MOCOS: variants seen among roughly 807,000 people sequenced by gnomAD.
The protein encoded by MOCOS is molybdenum cofactor sulfurase.
MOCOS carries 86 observed loss-of-function variants against 83.6 expected under a neutral mutation model. The ratio of observed to expected loss-of-function variants is 1.03; its 90% confidence interval spans 0.86 to 1.23. The LOEUF (loss-of-function observed/expected upper bound fraction) is 1.23, where lower values mean the gene tolerates loss of function less well. MOCOS is among the 50% of genes most tolerant of loss of function. The probability of loss-of-function intolerance (pLI) is 0.00; values close to 1 mark genes in which losing one functional copy is unlikely to be tolerated. For synonymous variants in MOCOS, 445 were observed against 434.7 expected (o/e 1.02, Z -0.29); for missense variants, 1,120 against 1,126.9 (o/e 0.99, Z 0.09).
chr18:36,235,877 G>A (rs1472109415), intron 9 of MOCOS, among the ~76,000 whole-genome samples: 2 of 151,402 alleles, frequency 1.3e-5, no homozygotes, highest in Non-Finnish European at 2.9e-5. Flanking sequence ...TTCTCTGATG[G>A]CCAGTGATGG....
chr18:36,187,605 C>G lies in MOCOS; in HGVS notation c.66C>G (p.Ser22Arg). 8.0e-7 allele frequency: 1 copy of G among 1,248,984 alleles called. No individual in the cohort carries two copies. The highest frequency in any genetic ancestry group is 1.0e-6 in the Non-Finnish European group (1 of 996,244). 77.4% of individuals were successfully genotyped at this position (1,248,984 alleles called of 1,614,324 possible). A position where few individuals can be genotyped will look rare whatever the true frequency, so the allele number is the denominator to read the frequency against. The part of the protein sequence containing the change: ...LWTFAGSRDP[S>R]APRLAYGYGP... Reference sequence around the variant, plus strand: ...CCTTCGCGGGTTCCCGGGACCCGAGCGCACCGCGGCTAGCCTACGGCTACG... The same window carrying G: ...CCTTCGCGGGTTCCCGGGACCCGAGGGCACCGCGGCTAGCCTACGGCTACG... The change falls in exon 1 of 15, where the codon AGC becomes AGG. Residue 22 changes from serine to arginine, a missense_variant. By Grantham distance (110) the Ser-to-Arg change is moderately radical. Transcript: ENST00000261326.
At chr18:36,201,662 C>CAAAAAAAAAAAAAAAA (rs1568050276) in intron 4 of MOCOS, among the ~76,000 whole-genome samples, 5 of 2,510 alleles carry the variant, frequency 2.0e-3, no homozygotes, top group African/African-American at 3.2e-3. Flanking sequence ...GACTCCATCT[C>CAAAAAAAAAAAAAAAA]CAAAAAAAAA....
intron 5 of MOCOS, 137 bp downstream of exon 5, chr18:36,203,326 A>T (rs2091421801): frequency 7.1e-6 from 6 of 843,382 alleles, no homozygotes; most frequent in Non-Finnish European, 1.2e-5. Context: ...TTTGATTCCT[A>T]GTAACTTCAA....
intron 1 of MOCOS, among the ~76,000 whole-genome samples, chr18:36,190,650 G>A (rs2091361301): frequency 6.6e-6 from 1 of 152,088 alleles, no homozygotes; most frequent in Non-Finnish European, 1.5e-5. Flanking sequence ...TGTGGAGGCT[G>A]AGGTGGGAGA....
At chr18:36,246,279 C>T (rs1365137964) in intron 9 of MOCOS, among the ~76,000 whole-genome samples, 1 of 152,196 alleles carries the variant, frequency 6.6e-6, no homozygotes, top group Non-Finnish European at 1.5e-5. Flanking sequence ...ATATGGGACT[C>T]AAGGGCTGCT....
In MOCOS at chr18:36,256,960, A is replaced by T. The variant is rs758715361; in HGVS notation, c.2165-8A>T. 4 of 1,609,650 alleles carry T rather than the reference A, an allele frequency of 2.5e-6. No individual in the cohort carries two copies. In the South Asian group the frequency reaches 4.4e-5, roughly 18 times the overall value. On this transcript the variant is annotated splice_polypyrimidine_tract_variant and splice_region_variant and intron_variant, in intron 11 of 14. Coordinates refer to ENST00000261326, the MANE Select transcript of MOCOS (RefSeq NM_017947.4). Reference sequence around the variant, plus strand: ...CAACTCTTCTTTTAAATGCTCCATCATTTTCAGATCAACTTCCTGGTACAA... The same window carrying T: ...CAACTCTTCTTTTAAATGCTCCATCTTTTTCAGATCAACTTCCTGGTACAA...
intron 9 of MOCOS, among the ~76,000 whole-genome samples, chr18:36,246,269 A>G (rs2091601675): frequency 6.6e-6 from 1 of 152,194 alleles, no homozygotes; most frequent in Non-Finnish European, 1.5e-5. Flanking sequence ...CTGTGGGAAG[A>G]TATGGGACTC....
At chr18:36,188,742 T>C (rs2144888790) in intron 1 of MOCOS, among the ~76,000 whole-genome samples, 1 of 142,654 alleles carries the variant, frequency 7.0e-6, no homozygotes, top group East Asian at 2.3e-4. Flanking sequence ...AACTGTGTTT[T>C]CCCTTTGGGG....
intron 13 of MOCOS, among the ~76,000 whole-genome samples, chr18:36,262,666 A>AT (rs2091668126): frequency 6.6e-6 from 1 of 151,926 alleles, no homozygotes; most frequent in Non-Finnish European, 1.5e-5. Flanking sequence ...ACCTGGCTAA[A>AT]TTTTTTATTT....
In MOCOS at chr18:36,218,336, C is replaced by T. The variant is rs78744090; in HGVS notation, c.1798-1719C>T. 5.1e-3 allele frequency among the ~76,000 whole-genome samples: 752 copies of T among 146,208 alleles called. 7 individuals carry two copies. Among genetic ancestry groups the T allele is most frequent in the African/African-American group, 0.014 (547 of 40,124 alleles). On this transcript the variant is annotated intron_variant, in intron 8 of 14. Transcript: ENST00000261326. The stretch of plus-strand genomic sequence containing the variant: ...TCAAATTTAATTTTACCTTTTATGG[C>T]TTTTTTTTTTTCTTTTAGAGAAACA...
In MOCOS at chr18:36,187,631, G is replaced by T; in HGVS notation, c.92G>T (p.Gly31Val). ...PSAPRLAYGY[G>V]PGSLRELRAR... ...GCACCGCGGCTAGCCTACGGCTACGGCCCGGGCAGCCTGCGCGAGCTGCGG... is the reference window on the plus strand; with the variant it reads ...GCACCGCGGCTAGCCTACGGCTACGTCCCGGGCAGCCTGCGCGAGCTGCGG... Residue 31 changes from glycine (G) to valine (V), a missense_variant, in exon 1 of 15, where the codon GGC becomes GTC. Transcript: ENST00000261326. 3 of 1,250,460 alleles carry T rather than the reference G, an allele frequency of 2.4e-6. No individual in the cohort carries two copies. The highest frequency in any genetic ancestry group is 3.0e-6 in the Non-Finnish European group (3 of 997,020). 77.5% of individuals were successfully genotyped at this position (1,250,460 alleles called of 1,614,324 possible).
chr18:36,243,135 C>T (rs528332219), intron 9 of MOCOS, among the ~76,000 whole-genome samples: 1 of 152,258 alleles, frequency 6.6e-6, no homozygotes, highest in East Asian at 1.9e-4. Context: ...TATCCTGAAA[C>T]TTTACTAACT....
At position 36,200,396 on chromosome 18, in the gene MOCOS, T is replaced by A. The variant is rs1417742689; in HGVS notation, c.941+72T>A. 6 of 1,577,878 alleles carry A rather than the reference T, an allele frequency of 3.8e-6. No individual in the cohort carries two copies. The East Asian group carries it at 1.3e-4, about 35-fold the overall frequency. ...GTCTGGCCTGTTTCTCCTGGAGGATTATGCAAGAGGTGGGTCTGGCTTTGA... is the reference window on the plus strand; with the variant it reads ...GTCTGGCCTGTTTCTCCTGGAGGATAATGCAAGAGGTGGGTCTGGCTTTGA... On this transcript the variant is annotated intron_variant, in intron 4 of 14. Coordinates refer to ENST00000261326, the MANE Select transcript of MOCOS (RefSeq NM_017947.4).
intron 9 of MOCOS, among the ~76,000 whole-genome samples, chr18:36,233,697 G>A (rs180839407): frequency 1.2e-3 from 190 of 152,152 alleles, no homozygotes; most frequent in Middle Eastern, 3.4e-3. Context: ...TGCCAGCATC[G>A]ATTATTTTTC....
chr18:36,234,658 C>G (rs948014043), intron 9 of MOCOS, among the ~76,000 whole-genome samples: 1 of 152,128 alleles, frequency 6.6e-6, no homozygotes, highest in Middle Eastern at 3.2e-3. Flanking sequence ...TCTAGCCATC[C>G]ATGAGCATTA....
chr18:36,246,330 T>C (rs2091602054), intron 9 of MOCOS, among the ~76,000 whole-genome samples: 1 of 152,212 alleles, frequency 6.6e-6, no homozygotes, highest in African/African-American at 2.4e-5. Context: ...CTTGATGTGG[T>C]GCTCTCCCCC....
At chr18:36,221,617 CT>C (rs1283822083) in intron 9 of MOCOS, among the ~76,000 whole-genome samples, 82 of 72,036 alleles carry the variant, frequency 1.1e-3, no homozygotes, top group African/African-American at 5.8e-3. Context: ...CTGTTCTGTT[CT>C]GTTCTGTTCT....
At chr18:36,229,074 T>C (rs943995478) in intron 9 of MOCOS, among the ~76,000 whole-genome samples, 6 of 152,348 alleles carry the variant, frequency 3.9e-5, no homozygotes, top group East Asian at 1.9e-4. Context: ...TTGACCTTTA[T>C]GCTAGGATTA....
Position 36,205,587 on chromosome 18 carries a change from A to G in MOCOS, c.1218+311A>G, listed in dbSNP as rs533251147. Among the ~76,000 whole-genome samples the G allele has an allele frequency of 4.6e-5, 7 of 152,340 alleles. No homozygotes were observed. The South Asian group carries it at 1.5e-3, about 32-fold the overall frequency. On this transcript the variant is annotated intron_variant, in intron 6 of 14. Coordinates refer to ENST00000261326, the MANE Select transcript of MOCOS (RefSeq NM_017947.4). The stretch of plus-strand genomic sequence containing the variant: ...ATGTCCAGAGTTGCACTGAGCACTC[A>G]GGCATGGTGGTAGGTGGTTATCAGA...
Sources: allele counts gnomAD v4.1 joint callset (sites outside exome capture counted in the v4.1 genomes callset), GRCh38; gene constraint gnomAD v4.1.1; transcripts MANE v1.5; gene names NCBI Gene and HGNC (gene_info 2026-07-23, HGNC 2026-07-21).